The following SH3RF3 variants were observed in gnomAD, a reference collection of about 807,000 sequenced individuals.
SH3RF3 encodes SH3 domain containing ring finger 3.
In SH3RF3, 29 loss-of-function variants were observed where a neutral mutation model predicts 66.3. The observed-to-expected ratio is 0.44, with a 90% confidence interval of 0.33 to 0.60. The LOEUF is 0.60. Ranked by LOEUF, SH3RF3 falls within the 20% of genes least tolerant of loss-of-function variation. SH3RF3 has a pLI of 0.04. For synonymous variants in SH3RF3, 583 were observed against 532.0 expected (o/e 1.10, Z -1.32); for missense variants, 1,194 against 1,190.9 (o/e 1.00, Z -0.04).
chr2:109,435,791 G>A (rs532246443), intron 6 of SH3RF3, among the ~76,000 whole-genome samples: 2 of 152,298 alleles, frequency 1.3e-5, no homozygotes, highest in South Asian at 4.1e-4. Flanking sequence ...GATTTCCTCG[G>A]GGAAAAGTGA....
chr2:109,226,479 T>C (rs1373595728), intron 1 of SH3RF3, among the ~76,000 whole-genome samples: 1 of 152,236 alleles, frequency 6.6e-6, no homozygotes, highest in Non-Finnish European at 1.5e-5. Context: ...CCTGCTGACC[T>C]CTTAAGACAT....
chr2:109,129,402 A>G lies in SH3RF3; in HGVS notation c.-139A>G, dbSNP rs1450217617. On this transcript the variant is annotated 5_prime_UTR_variant, in exon 1 of 10. Coordinates refer to ENST00000309415, the MANE Select transcript of SH3RF3 (RefSeq NM_001099289.3). ...AGCCACTTCGCACCGCCACAGCCCT[A>G]GCATCGGGCCACCAGCCGGGGTGAA... 2.9e-6 allele frequency: 4 copies of G among 1,395,192 alleles called. No individual in the cohort carries two copies. The highest frequency in any genetic ancestry group is 2.1e-5 in the Admixed American group (1 of 47,838). 86.4% of individuals were successfully genotyped at this position (1,395,192 alleles called of 1,614,324 possible).
intron 3 of SH3RF3, among the ~76,000 whole-genome samples, chr2:109,372,930 G>A (rs1264644609): frequency 6.6e-6 from 1 of 152,226 alleles, no homozygotes; most frequent in Non-Finnish European, 1.5e-5. Context: ...CCCGTTGCCT[G>A]CAGGATAAAG....
chr2:109,275,829 G>A lies in SH3RF3; in HGVS notation c.574-71845G>A, dbSNP rs549322104. Among the ~76,000 whole-genome samples, 139 of 152,322 alleles carry A rather than the reference G, an allele frequency of 9.1e-4. 1 individual carries two copies. The highest frequency in any genetic ancestry group is 6.8e-3 in the Middle Eastern group (2 of 294). ...GATCTGAAGCGTTCGCGGGGAGCTG[G>A]TAATAGGATCTAGGATTTTCCCTTC... On this transcript the variant is annotated intron_variant, in intron 1 of 9. Coordinates refer to ENST00000309415, the MANE Select transcript of SH3RF3 (RefSeq NM_001099289.3).
intron 1 of SH3RF3, among the ~76,000 whole-genome samples, chr2:109,174,108 T>A (rs570782503): frequency 6.6e-6 from 1 of 152,334 alleles, no homozygotes; most frequent in Admixed American, 6.5e-5. Context: ...CCCAGTGGCT[T>A]CAGGACAGCA....
At chr2:109,418,179 A>G (rs536959895) in intron 4 of SH3RF3, among the ~76,000 whole-genome samples, 250 of 151,714 alleles carry the variant, frequency 1.6e-3, no homozygotes, top group Non-Finnish European at 2.5e-3. Context: ...TTCTGCTGGG[A>G]CCCCTATTCT....
intron 1 of SH3RF3, among the ~76,000 whole-genome samples, chr2:109,335,263 C>T (rs533965815): frequency 1.1e-4 from 17 of 152,376 alleles, no homozygotes; most frequent in South Asian, 6.2e-4. Flanking sequence ...CCGTCCCACA[C>T]GAGAACGGCT....
At chr2:109,427,258 C>T (rs1030815749) in intron 5 of SH3RF3, among the ~76,000 whole-genome samples, 6 of 152,112 alleles carry the variant, frequency 3.9e-5, no homozygotes, top group African/African-American at 9.7e-5. Flanking sequence ...CGTGAGTCAC[C>T]GTGCCTGGAC....
At chr2:109,342,790 G>A (rs532544455) in intron 1 of SH3RF3, among the ~76,000 whole-genome samples, 5 of 152,340 alleles carry the variant, frequency 3.3e-5, no homozygotes, top group East Asian at 1.9e-4. Flanking sequence ...CCATCTCCAC[G>A]GGTAGGACAT....
rs556925697 is a variant in SH3RF3, at chr2:109,360,275, T to C, written c.850-11311T>C. On this transcript the variant is annotated intron_variant, in intron 2 of 9. Transcript: ENST00000309415. ...CATATTTTTTACTGCTAAATACTTA[T>C]GTGTGAATAATTGTAAGAAAATGAT... Among the ~76,000 whole-genome samples, 111 of 152,324 alleles carry C rather than the reference T, an allele frequency of 7.3e-4. 1 individual carries two copies. The highest frequency in any genetic ancestry group is 2.5e-3 in the African/African-American group (104 of 41,566).
intron 1 of SH3RF3, among the ~76,000 whole-genome samples, chr2:109,180,406 C>T (rs1049948657): frequency 1.3e-5 from 2 of 152,218 alleles, no homozygotes; most frequent in African/African-American, 2.4e-5. Context: ...TACACAGAGG[C>T]CATTAGCTAG....
chr2:109,322,667 G>A lies in SH3RF3; in HGVS notation c.574-25007G>A, dbSNP rs117319071. Among the ~76,000 whole-genome samples the A allele has an allele frequency of 3.3e-3, 500 of 152,296 alleles. 14 individuals carry two copies. In the East Asian group the frequency reaches 0.089, roughly 27 times the overall value. On this transcript the variant is annotated intron_variant, in intron 1 of 9. Coordinates refer to ENST00000309415, the MANE Select transcript of SH3RF3 (RefSeq NM_001099289.3). ...CCAGCAGAAATAACCTTTTAAAAAGGACTCATTAGCTGAGCACACAGGGCA... is the reference window on the plus strand; with the variant it reads ...CCAGCAGAAATAACCTTTTAAAAAGAACTCATTAGCTGAGCACACAGGGCA...
intron 8 of SH3RF3, among the ~76,000 whole-genome samples, chr2:109,468,985 G>A (rs1402396979): frequency 6.6e-6 from 1 of 150,592 alleles, no homozygotes; most frequent in African/African-American, 2.4e-5. Context: ...CTAGATGCAT[G>A]TCAAGCTCAA....
intron 8 of SH3RF3, among the ~76,000 whole-genome samples, chr2:109,480,150 C>A (rs1027190483): frequency 3.3e-5 from 5 of 152,172 alleles, no homozygotes; most frequent in African/African-American, 1.2e-4. Flanking sequence ...GCATATCAAC[C>A]ACATTAAGAC....
At chr2:109,147,997 CT>C (rs2104858401) in intron 1 of SH3RF3, among the ~76,000 whole-genome samples, 1 of 152,292 alleles carries the variant, frequency 6.6e-6, no homozygotes, top group East Asian at 1.9e-4. Flanking sequence ...CTGTGGGCCC[CT>C]CAAAATCCAT....
intron 3 of SH3RF3, among the ~76,000 whole-genome samples, chr2:109,396,512 G>A (rs551330081): frequency 6.6e-6 from 1 of 152,306 alleles, no homozygotes; most frequent in African/African-American, 2.4e-5. Context: ...GCCCTGTGAT[G>A]GGGCCACCCT....
At chr2:109,407,871 C>T (rs919005660) in intron 4 of SH3RF3, among the ~76,000 whole-genome samples, 5 of 152,204 alleles carry the variant, frequency 3.3e-5, no homozygotes, top group African/African-American at 1.2e-4. Context: ...ACCGTGGCTG[C>T]CTGTGACCTG....
chr2:109,450,345 CAA>C (rs1181345676), intron 8 of SH3RF3, among the ~76,000 whole-genome samples: 5 of 108,942 alleles, frequency 4.6e-5, no homozygotes, highest in Admixed American at 9.9e-5. Flanking sequence ...GACTGCATCT[CAA>C]AAAAAAAAAA....
At chr2:109,435,585 G>T (rs72947113) in intron 6 of SH3RF3, among the ~76,000 whole-genome samples, 2 of 152,100 alleles carry the variant, frequency 1.3e-5, no homozygotes, top group Admixed American at 6.5e-5. Context: ...GGCTCTTCCC[G>T]TGAGGGCACG....
Sources: gnomAD v4.1 joint callset for allele counts (sites outside exome capture counted in the v4.1 genomes callset) on GRCh38, gnomAD v4.1.1 for gene constraint, MANE v1.5 for transcripts, NCBI Gene and HGNC (gene_info 2026-07-23, HGNC 2026-07-21) for gene names.